Variants in SAMMSON observed in about 807,000 individuals in gnomAD.
SAMMSON encodes the protein survival associated mitochondrial melanoma specific oncogenic non-coding RNA.
chr3:70,106,533 T>C (rs2067367946), intron 4 of SAMMSON, among the ~76,000 whole-genome samples: 1 of 148,908 alleles, frequency 6.7e-6, no homozygotes, highest in East Asian at 2.0e-4. Context: ...AGAGATAGAG[T>C]CTTGGTATGT....
chr3:70,099,461 C>G (rs2067334721), intron 4 of SAMMSON, among the ~76,000 whole-genome samples: 2 of 152,096 alleles, frequency 1.3e-5, no homozygotes, highest in African/African-American at 4.8e-5. Flanking sequence ...CCTACCACAG[C>G]TAAATATCTT....
intron 7 of SAMMSON, among the ~76,000 whole-genome samples, chr3:70,296,463 T>A (rs2106697880): frequency 6.6e-6 from 1 of 152,164 alleles, no homozygotes. Flanking sequence ...ACCCATCACC[T>A]CTCACACCGT....
chr3:70,398,907 A>G (rs2106761557), intron 2 of SAMMSON, among the ~76,000 whole-genome samples: 1 of 152,354 alleles, frequency 6.6e-6, no homozygotes, highest in East Asian at 1.9e-4. Context: ...TAGAACTTTC[A>G]TATATGCAAG....
At chr3:70,049,614 A>T (rs1245229848) in intron 3 of SAMMSON, among the ~76,000 whole-genome samples, 1 of 152,120 alleles carries the variant, frequency 6.6e-6, no homozygotes, top group East Asian at 1.9e-4. Flanking sequence ...GCCAAAGCCC[A>T]TTAATGTTTA....
At chr3:70,376,611 T>C (rs1044506844) in intron 9 of SAMMSON, among the ~76,000 whole-genome samples, 1 of 152,112 alleles carries the variant, frequency 6.6e-6, no homozygotes, top group East Asian at 1.9e-4. Context: ...TATTTTTCAC[T>C]ATTGATTCTA....
intron 7 of SAMMSON, chr3:70,302,486 T>C (rs1412775835): frequency 1.3e-5 from 2 of 152,208 alleles, no homozygotes; most frequent in African/African-American, 4.8e-5. Flanking sequence ...TTTATACTAA[T>C]GTTGATTAAG....
At chr3:70,146,825 A>G (rs974728934) in intron 4 of SAMMSON, among the ~76,000 whole-genome samples, 1 of 152,012 alleles carries the variant, frequency 6.6e-6, no homozygotes, top group Non-Finnish European at 1.5e-5. Flanking sequence ...AGGAAAATCC[A>G]GTACAACCAA....
intron 4 of SAMMSON, among the ~76,000 whole-genome samples, chr3:70,193,669 A>G (rs1037082846): frequency 3.3e-5 from 5 of 152,192 alleles, no homozygotes; most frequent in Admixed American, 6.5e-5. Flanking sequence ...TAAACCAAAT[A>G]TTTATATTTT....
intron 7 of SAMMSON, among the ~76,000 whole-genome samples, chr3:70,353,408 G>T (rs1287118434): frequency 6.6e-6 from 1 of 151,850 alleles, no homozygotes; most frequent in African/African-American, 2.4e-5. Context: ...GTAGAAAATG[G>T]GTAAAAGAAA....
intron 4 of SAMMSON, chr3:70,183,311 T>A (rs1701068603): frequency 6.6e-6 from 1 of 152,160 alleles, no homozygotes; most frequent in Non-Finnish European, 1.5e-5. Context: ...AGTTCACAGT[T>A]CCCAGAGTAA....
intron 7 of SAMMSON, among the ~76,000 whole-genome samples, chr3:70,341,701 A>AT (rs1425676508): frequency 1.3e-5 from 2 of 152,158 alleles, no homozygotes; most frequent in Admixed American, 6.5e-5. Flanking sequence ...TGCAGTGGTC[A>AT]TTTTTTGTCC....
At chr3:70,361,526 T>A (rs805467) in intron 9 of SAMMSON, among the ~76,000 whole-genome samples, 44,253 of 152,060 alleles carry the variant, frequency 0.29, 6,774 homozygotes, top group Middle Eastern at 0.32. Context: ...CCTTCCCCAC[T>A]CTCATCTCGC....
At chr3:70,223,369 A>G (rs1163137171) in intron 4 of SAMMSON, among the ~76,000 whole-genome samples, 1 of 152,162 alleles carries the variant, frequency 6.6e-6, no homozygotes, top group African/African-American at 2.4e-5. Flanking sequence ...TTCCTTAAAA[A>G]TCAACTGAGA....
chr3:70,137,098 G>A (rs951363622), intron 4 of SAMMSON, among the ~76,000 whole-genome samples: 1 of 152,096 alleles, frequency 6.6e-6, no homozygotes, highest in African/African-American at 2.4e-5. Flanking sequence ...ACGTCCAATG[G>A]TAACAAGTTA....
At chr3:70,172,967 A>G (rs1043716553) in intron 4 of SAMMSON, 3 of 151,920 alleles carry the variant, frequency 2.0e-5, no homozygotes, top group Non-Finnish European at 4.4e-5. Flanking sequence ...TAGAACTTAT[A>G]TTGTCGAAGA....
intron 4 of SAMMSON, among the ~76,000 whole-genome samples, chr3:70,238,473 T>C (rs1701634560): frequency 6.6e-6 from 1 of 151,844 alleles, no homozygotes; most frequent in Non-Finnish European, 1.5e-5. Flanking sequence ...ATTAGCCAGG[T>C]ATGGTGATGC....
chr3:70,094,021 A>G (rs2067314448), intron 4 of SAMMSON, among the ~76,000 whole-genome samples: 1 of 152,178 alleles, frequency 6.6e-6, no homozygotes, highest in Admixed American at 6.5e-5. Context: ...GGGGGCCAAC[A>G]TTCCTGAGGC....
intron 4 of SAMMSON, among the ~76,000 whole-genome samples, chr3:70,135,837 A>G (rs2067503527): frequency 6.6e-6 from 1 of 152,022 alleles, no homozygotes; most frequent in African/African-American, 2.4e-5. Flanking sequence ...TTTTTACTAT[A>G]CCATTTTTCT....
chr3:70,150,204 C>T (rs1232778756), intron 4 of SAMMSON, among the ~76,000 whole-genome samples: 1 of 152,052 alleles, frequency 6.6e-6, no homozygotes, highest in Non-Finnish European at 1.5e-5. Flanking sequence ...CATGTTTCCT[C>T]ATCATTTAAA....
Sources: allele counts gnomAD v4.1 joint callset (sites outside exome capture counted in the v4.1 genomes callset), GRCh38; gene constraint gnomAD v4.1.1; transcripts MANE v1.5; gene names NCBI Gene and HGNC (gene_info 2026-07-23, HGNC 2026-07-21).